The following COL9A1 variants were observed in gnomAD, a reference collection of about 807,000 sequenced individuals.
The protein encoded by COL9A1 is collagen type IX alpha 1 chain, also known as collagen alpha-1(IX) chain.
COL9A1 carries 104 observed loss-of-function variants against 142.6 expected under a neutral mutation model. That is an observed-to-expected ratio of 0.73 (90% CI 0.62 to 0.86). The LOEUF is 0.86. Among genes scored for constraint, COL9A1 ranks in the 40% least tolerant of loss-of-function variants. The probability of loss-of-function intolerance (pLI) is 0.00; values close to 1 mark genes in which losing one functional copy is unlikely to be tolerated. For synonymous variants in COL9A1, 466 were observed against 396.0 expected, an observed-to-expected ratio of 1.18 and a Z score of -2.10; for missense variants, 1,210 against 1,176.6, an observed-to-expected ratio of 1.03 and a Z score of -0.42.
In COL9A1 at chr6:70,294,218, A is replaced by G. The variant is rs138147561; in HGVS notation, c.645T>C (p.Asp215=). 4.1e-5 allele frequency: 66 copies of G among 1,614,004 alleles called. No homozygotes were observed. The highest frequency in any genetic ancestry group is 1.6e-4 in the Middle Eastern group (1 of 6,084). The stretch of plus-strand genomic sequence containing the variant: ...CAAGTTTTCCCAGCACAGCAAAGCC[A>G]TCAATGTCAATTGGGCCTCTTGGCT... ...PIKPRGPIDI[D]GFAVLGKLAD... The change falls in exon 5 of 38, where the codon GAT becomes GAC. Residue 215 remains aspartate (D), a synonymous_variant. Coordinates refer to ENST00000357250, the MANE Select transcript of COL9A1 (RefSeq NM_001851.6).
intron 33 of COL9A1, among the ~76,000 whole-genome samples, chr6:70,238,015 G>T (rs554743703): frequency 6.6e-6 from 1 of 152,332 alleles, no homozygotes; most frequent in Admixed American, 6.5e-5. Flanking sequence ...GAAGTTCTAG[G>T]TATGTAGGAG....
chr6:70,228,569 A>T (rs1025192235), intron 36 of COL9A1, among the ~76,000 whole-genome samples: 1 of 152,138 alleles, frequency 6.6e-6, no homozygotes, highest in African/African-American at 2.4e-5. Context: ...TTATAATTTT[A>T]AAAACAAAGT....
At chr6:70,270,065 A>G (rs537864156) in intron 15 of COL9A1, among the ~76,000 whole-genome samples, 1 of 152,348 alleles carries the variant, frequency 6.6e-6, no homozygotes, top group South Asian at 2.1e-4. Context: ...TTGAGACATC[A>G]CAACTGTCAA....
intron 5 of COL9A1, among the ~76,000 whole-genome samples, chr6:70,287,093 C>A (rs1773481914): frequency 1.3e-5 from 2 of 152,158 alleles, no homozygotes; most frequent in South Asian, 4.2e-4. Flanking sequence ...ATAACACGCG[C>A]ATATATGTGC....
chr6:70,219,762 C>G (rs1768753616), intron 37 of COL9A1, among the ~76,000 whole-genome samples: 1 of 152,126 alleles, frequency 6.6e-6, no homozygotes. Flanking sequence ...TCAAGAGAGG[C>G]CAGGAAGCTG....
At position 70,241,844 on chromosome 6, in the gene COL9A1, A is replaced by G. The variant is rs970375701; in HGVS notation, c.1998+120T>C. 13 of 833,960 alleles carry G rather than the reference A, an allele frequency of 1.6e-5. 1 individual carries two copies. In the Admixed American group the frequency reaches 2.6e-4, roughly 17 times the overall value. The allele number at this position is 833,960 out of a possible 1,614,324, so 51.7% of individuals were successfully genotyped here. On this transcript the variant is annotated intron_variant, in intron 30 of 37. Coordinates refer to ENST00000357250, the MANE Select transcript of COL9A1 (RefSeq NM_001851.6). Reference sequence around the variant, plus strand: ...TGAGTAATTTAAAATATCTTTCTTGATAGCTGTTTATGATAAATTCTAGAA... The same window carrying G: ...TGAGTAATTTAAAATATCTTTCTTGGTAGCTGTTTATGATAAATTCTAGAA...
At chr6:70,270,928 A>T (rs1205916755) in intron 14 of COL9A1, among the ~76,000 whole-genome samples, 1 of 152,216 alleles carries the variant, frequency 6.6e-6, no homozygotes, top group Non-Finnish European at 1.5e-5. Context: ...AATGGGTTCC[A>T]ATTACTCTTA....
chr6:70,294,476 G>A lies in COL9A1; in HGVS notation c.387C>T (p.Asn129=), dbSNP rs776921918. The A allele has an allele frequency of 6.2e-7, 1 of 1,614,114 alleles. No individual in the cohort carries two copies. The highest frequency in any genetic ancestry group is 8.5e-7 in the Non-Finnish European group (1 of 1,179,974). ...MTGSTLKKNW[N]IWQIQDSSGK... ...CAGAGGAATCCTGAATCTGCCAAAT[G>A]TTCCAGTTCTTTTTGAGAGTGCTTC... Residue 129 remains asparagine (N), a synonymous_variant, in exon 5 of 38, where the codon AAC becomes AAT. Transcript: ENST00000357250.
In COL9A1 at chr6:70,262,665, A is replaced by AG. The variant is rs534764788; in HGVS notation, c.1395+578_1395+579insC. Among the ~76,000 whole-genome samples the AG allele has an allele frequency of 3.1e-3, 473 of 152,376 alleles. 1 individual carries two copies. Among genetic ancestry groups the AG allele is most frequent in the African/African-American group, 0.011 (439 of 41,594 alleles). On this transcript the variant is annotated intron_variant, in intron 19 of 37. Transcript: ENST00000357250. ...CAACTCCATTTTAATGTAATACAAAATAAGGCAAATTCTGATTTAACAACA... is the reference window on the plus strand; with the variant it reads ...CAACTCCATTTTAATGTAATACAAAAGTAAGGCAAATTCTGATTTAACAACA...
intron 10 of COL9A1, among the ~76,000 whole-genome samples, chr6:70,276,237 C>A (rs1274738020): frequency 7.2e-5 from 11 of 152,128 alleles, no homozygotes; most frequent in Admixed American, 7.2e-4. Flanking sequence ...TTTGCTTTGG[C>A]ATTTCACAAA....
At position 70,239,244 on chromosome 6, in the gene COL9A1, C is replaced by A. The variant is rs762345040; in HGVS notation, c.2112+10G>T. 4 of 1,528,378 alleles carry A rather than the reference C, an allele frequency of 2.6e-6. No homozygotes were observed. The African/African-American group carries it at 4.1e-5, about 16-fold the overall frequency. 94.7% of individuals were successfully genotyped at this position (1,528,378 alleles called of 1,614,324 possible). On this transcript the variant is annotated intron_variant, in intron 33 of 37. Transcript: ENST00000357250. ...AATTTTTTTATACCATTACTATTCA[C>A]CATACTTACAGATCCCTTTGGGCCA...
At chr6:70,222,194 A>G (rs1768923551) in intron 37 of COL9A1, among the ~76,000 whole-genome samples, 1 of 152,236 alleles carries the variant, frequency 6.6e-6, no homozygotes. Flanking sequence ...CAACAATAAT[A>G]ACAGTTAAAT....
At chr6:70,268,317 T>C (rs1772162879) in intron 17 of COL9A1, among the ~76,000 whole-genome samples, 1 of 151,958 alleles carries the variant, frequency 6.6e-6, no homozygotes, top group Non-Finnish European at 1.5e-5. Flanking sequence ...CGAGCTCAAG[T>C]GATCCTCCCA....
intron 32 of COL9A1, among the ~76,000 whole-genome samples, chr6:70,240,412 C>A (rs1234554807): frequency 2.6e-5 from 4 of 152,014 alleles, no homozygotes; most frequent in African/African-American, 4.8e-5. Flanking sequence ...TGTAAGAGTA[C>A]AATTTTATTC....
At chr6:70,219,857 CTTAAGTT>C (rs1167224349) in intron 37 of COL9A1, among the ~76,000 whole-genome samples, 4 of 152,152 alleles carry the variant, frequency 2.6e-5, no homozygotes, top group African/African-American at 7.2e-5. Context: ...AGCCAAAAAC[CTTAAGTT>C]TTAAGTAATT....
chr6:70,233,486 C>T (rs1769690049), intron 35 of COL9A1, among the ~76,000 whole-genome samples: 1 of 152,136 alleles, frequency 6.6e-6, no homozygotes, highest in Admixed American at 6.5e-5. Context: ...ACAACAAAAT[C>T]TCCCCATGAA....
chr6:70,217,222 GTGATGA>G (rs956682163), intron 37 of COL9A1, 141 bp from the exon 38 acceptor site: 19 of 720,210 alleles, frequency 2.6e-5, no homozygotes, highest in Non-Finnish European at 4.1e-5. Flanking sequence ...GTGATGATTG[GTGATGA>G]TGATGATGAT....
chr6:70,232,267 G>T (rs2127557320), intron 36 of COL9A1, among the ~76,000 whole-genome samples: 1 of 152,220 alleles, frequency 6.6e-6, no homozygotes, highest in Middle Eastern at 3.4e-3. Flanking sequence ...ATAAAAAATA[G>T]CTGAATGATC....
rs374570309 is a variant in COL9A1, at chr6:70,259,812, C to T, written c.1449+845G>A. ...TTCCCCTTGGAATCTCCCCAGCAGC[C>T]TGCGGAGTGCCTTGGTATGGAAGTG... is the stretch of plus-strand genomic sequence containing the variant. On this transcript the variant is annotated intron_variant, in intron 20 of 37. Transcript: ENST00000357250. Among the ~76,000 whole-genome samples, 4 of 152,236 alleles carry T rather than the reference C, an allele frequency of 2.6e-5. No individual in the cohort carries two copies. The East Asian group carries it at 5.8e-4, about 22-fold the overall frequency.
Sources: gnomAD v4.1 joint callset for allele counts (sites outside exome capture counted in the v4.1 genomes callset) on GRCh38, gnomAD v4.1.1 for gene constraint, MANE v1.5 for transcripts, NCBI Gene and HGNC (gene_info 2026-07-23, HGNC 2026-07-21) for gene names.